The following FGF6 variants were observed in gnomAD, a reference collection of about 807,000 sequenced individuals.
FGF6 encodes fibroblast growth factor 6, also known as FGF-6.
A neutral mutation model predicts 18.4 loss-of-function variants in FGF6; 14 were observed. That is an observed-to-expected ratio of 0.76 (90% CI 0.50 to 1.19). FGF6 has a LOEUF of 1.19. Ranked by LOEUF, FGF6 falls within the 50% of genes most tolerant of loss-of-function variation. The pLI, the probability that FGF6 is intolerant of heterozygous loss-of-function variation, is 0.00. For missense variants in FGF6, 266 were observed against 271.6 expected (o/e 0.98, Z 0.15); for synonymous variants, 125 against 116.7 (o/e 1.07, Z -0.46).
At chr12:4,438,826 T>A (rs1865654477) in intron 2 of FGF6, among the ~76,000 whole-genome samples, 1 of 148,372 alleles carries the variant, frequency 6.7e-6, no homozygotes, top group Admixed American at 6.7e-5. Flanking sequence ...TGGAATTCTA[T>A]AAGCCTTGAA....
chr12:4,445,556 C>T lies in FGF6; in HGVS notation c.15G>A (p.Gln5=). Residue 5 remains glutamine (Q), a synonymous_variant, in exon 1 of 3, where the codon CAG becomes CAA. Transcript: ENST00000228837. This position sits in a 1 kb window ranked among gnomAD's most constrained non-coding sequence, Gnocchi z 5.5. The part of the protein sequence containing the change: MALG[Q]KLFITMSRGA... ...CCCGGGACATAGTGATGAACAGTTT[C>T]TGTCCCAGGGCCATCCACCTTGCCT... 6.3e-7 allele frequency: 1 copy of T among 1,595,874 alleles called. No individual in the cohort carries two copies. Among genetic ancestry groups the T allele is most frequent in the South Asian group, 1.1e-5 (1 of 89,966 alleles).
intron 2 of FGF6, among the ~76,000 whole-genome samples, chr12:4,435,544 C>T (rs1350817808): frequency 6.6e-6 from 1 of 152,134 alleles, no homozygotes; most frequent in Non-Finnish European, 1.5e-5. Flanking sequence ...CCAAGACAAT[C>T]ATAGTTCTCC....
chr12:4,438,732 A>G (rs1289590949), intron 2 of FGF6, among the ~76,000 whole-genome samples: 2 of 142,666 alleles, frequency 1.4e-5, no homozygotes, highest in Non-Finnish European at 3.0e-5. Flanking sequence ...CAGCCTGGTG[A>G]CAGAGCGAGA....
chr12:4,434,615 C>T (rs1244825521), intron 2 of FGF6, among the ~76,000 whole-genome samples: 5 of 152,188 alleles, frequency 3.3e-5, no homozygotes, highest in African/African-American at 9.6e-5. Context: ...CCCTCCTTTA[C>T]GATAAGGAAA....
chr12:4,441,648 C>T (rs913911178), intron 2 of FGF6, among the ~76,000 whole-genome samples: 8 of 152,266 alleles, frequency 5.3e-5, no homozygotes, highest in African/African-American at 1.4e-4. Flanking sequence ...GCCCACGAGT[C>T]GTTGCCTTGT....
intron 2 of FGF6, among the ~76,000 whole-genome samples, chr12:4,439,170 G>C (rs574601127): frequency 9.2e-5 from 14 of 152,122 alleles, no homozygotes; most frequent in Admixed American, 8.5e-4. Flanking sequence ...ATTTAAAGTG[G>C]GAAGGGAATT....
chr12:4,435,328 A>G (rs1865616102), intron 2 of FGF6, among the ~76,000 whole-genome samples: 1 of 152,096 alleles, frequency 6.6e-6, no homozygotes, highest in South Asian at 2.1e-4. Flanking sequence ...TTAGATTCTC[A>G]TAGGAGCAAG....
At chr12:4,440,043 G>A (rs1430788706) in intron 2 of FGF6, among the ~76,000 whole-genome samples, 1 of 152,224 alleles carries the variant, frequency 6.6e-6, no homozygotes, top group Non-Finnish European at 1.5e-5. Flanking sequence ...GCTTGGGAAT[G>A]TTGGCCCCTC....
At chr12:4,441,249 C>T (rs1222244975) in intron 2 of FGF6, among the ~76,000 whole-genome samples, 1 of 152,138 alleles carries the variant, frequency 6.6e-6, no homozygotes, top group Non-Finnish European at 1.5e-5. Context: ...AGATCCAGGC[C>T]CAGAGAAGTT....
At position 4,445,589 on chromosome 12, in the gene FGF6, A is replaced by C; in HGVS notation, c.-19T>G. On this transcript the variant is annotated 5_prime_UTR_variant, in exon 1 of 3. Coordinates refer to ENST00000228837, the MANE Select transcript of FGF6 (RefSeq NM_020996.3). The surrounding 1 kb of genome is among the most constrained non-coding windows in gnomAD (Gnocchi z 5.5). ...GGGCCATCCACCTTGCCTCTCAGGC[A>C]CGTGGTCAGAATTAATGGCCCTAAA... The C allele has an allele frequency of 6.4e-7, 1 of 1,553,018 alleles. No homozygotes were observed. Among genetic ancestry groups the C allele is most frequent in the South Asian group, 1.2e-5 (1 of 84,844 alleles).
chr12:4,434,220 T>C lies in FGF6; in HGVS notation c.622A>G (p.Ile208Val). The C allele has an allele frequency of 3.1e-6, 5 of 1,613,856 alleles. 1 individual carries two copies. The South Asian group carries it at 5.5e-5, about 18-fold the overall frequency. ...IMTVTHFLPRI is the reference protein window; with the variant it reads ...IMTVTHFLPRV ...GAGCCTTCTTTTGTGGGTCCTTAGATCCTGGGAAGGAAATGAGTGACAGTC... is the reference window on the plus strand; with the variant it reads ...GAGCCTTCTTTTGTGGGTCCTTAGACCCTGGGAAGGAAATGAGTGACAGTC... The change falls in exon 3 of 3, where the codon ATC (isoleucine) becomes GTC (valine). Residue 208 changes from isoleucine to valine, a missense_variant. Coordinates refer to ENST00000228837, the MANE Select transcript of FGF6 (RefSeq NM_020996.3).
chr12:4,445,161 C>T lies in FGF6; in HGVS notation c.346+64G>A, dbSNP rs1865742534. The T allele has an allele frequency of 7.3e-7, 1 of 1,371,770 alleles. No homozygotes were observed. Among genetic ancestry groups the T allele is most frequent in the Non-Finnish European group, 1.0e-6 (1 of 997,962 alleles). The allele number at this position is 1,371,770 out of a possible 1,614,324, so 85.0% of individuals were successfully genotyped here. On this transcript the variant is annotated intron_variant, in intron 1 of 2. Transcript: ENST00000228837. This position sits in a 1 kb window ranked among gnomAD's most constrained non-coding sequence, Gnocchi z 5.5. ...CCTGTCCGCTAGAGCAGGGCCCCTT[C>T]ACCTTTTAGCCCTGCATGAGCCCAA...
intron 2 of FGF6, among the ~76,000 whole-genome samples, chr12:4,440,647 A>G (rs939763808): frequency 1.3e-5 from 2 of 152,210 alleles, no homozygotes; most frequent in African/African-American, 4.8e-5. Context: ...AATGTTGGAA[A>G]GTGTTTTCAT....
intron 2 of FGF6, among the ~76,000 whole-genome samples, chr12:4,436,540 G>A (rs55788352): frequency 1.6e-3 from 240 of 151,984 alleles, no homozygotes; most frequent in Non-Finnish European, 2.2e-3. Context: ...TGGGAGAACC[G>A]CTTGAGGTCG....
intron 2 of FGF6, among the ~76,000 whole-genome samples, chr12:4,437,057 G>A (rs767617368): frequency 1.2e-4 from 19 of 152,204 alleles, no homozygotes; most frequent in Admixed American, 9.8e-4. Flanking sequence ...TCTTAGCTAC[G>A]TGAGCCTGGG....
chr12:4,439,587 C>T (rs1009152644), intron 2 of FGF6, among the ~76,000 whole-genome samples: 2 of 151,940 alleles, frequency 1.3e-5, no homozygotes, highest in African/African-American at 4.8e-5. Flanking sequence ...ACCATGGATG[C>T]GTAGATTGTA....
At chr12:4,435,206 C>T (rs1011075689) in intron 2 of FGF6, among the ~76,000 whole-genome samples, 1 of 152,122 alleles carries the variant, frequency 6.6e-6, no homozygotes, top group South Asian at 2.1e-4. Flanking sequence ...GGGACCTGGG[C>T]TGTACAGCAG....
chr12:4,436,146 C>G (rs772238970), intron 2 of FGF6, among the ~76,000 whole-genome samples: 8 of 152,092 alleles, frequency 5.3e-5, no homozygotes, highest in Non-Finnish European at 1.0e-4. Context: ...GAACCTCTTG[C>G]TGTTCTGAAG....
chr12:4,437,983 AAAG>A (rs1475878121), intron 2 of FGF6, among the ~76,000 whole-genome samples: 1 of 152,206 alleles, frequency 6.6e-6, no homozygotes, highest in African/African-American at 2.4e-5. Flanking sequence ...TATTACCTTA[AAAG>A]AAGAACAGAA....
Sources: gnomAD v4.1 joint callset for allele counts (sites outside exome capture counted in the v4.1 genomes callset) on GRCh38, gnomAD v4.1.1 for gene constraint, Gnocchi (gnomAD v3.1) non-coding constraint, MANE v1.5 for transcripts, NCBI Gene and HGNC (gene_info 2026-07-23, HGNC 2026-07-21) for gene names.